Variants in TNPO2 observed in about 807,000 individuals in gnomAD.
The protein encoded by TNPO2 is transportin-2.
A neutral mutation model predicts 111.1 loss-of-function variants in TNPO2; 16 were observed. That is an observed-to-expected ratio of 0.14 (90% confidence interval 0.10 to 0.22). TNPO2 has a LOEUF of 0.22. Ranked by LOEUF, TNPO2 falls within the 10% of genes least tolerant of loss-of-function variation. The probability of loss-of-function intolerance (pLI) is 1.00; values close to 1 mark genes in which losing one functional copy is unlikely to be tolerated. For missense variants in TNPO2, 530 were observed against 1,173.7 expected (o/e 0.45, Z 8.01); for synonymous variants, 481 against 475.8 (o/e 1.01, Z -0.14).
chr19:12,719,954 C>CTTTTT lies in TNPO2; in HGVS notation c.100-623_100-619dup, dbSNP rs780055881. Among the ~76,000 whole-genome samples, 18 of 141,474 alleles carry CTTTTT rather than the reference C, an allele frequency of 1.3e-4. No individual in the cohort carries two copies. The highest frequency in any genetic ancestry group is 4.1e-4 in the African/African-American group (16 of 38,562). The allele number at this position is 141,474 out of a possible 152,430, so 92.8% of individuals were successfully genotyped here. A position where few individuals can be genotyped will look rare whatever the true frequency, so the allele number is the denominator to read the frequency against. ...GATCCCCACTAACAGGCCATGAAGA[C>CTTTTT]TTTTTTTTTTTTTTTAAAAGAGGGA... is the stretch of plus-strand genomic sequence containing the variant. On this transcript the variant is annotated intron_variant, in intron 3 of 25. Transcript: ENST00000425528. This position sits in a 1 kb window ranked among gnomAD's most constrained non-coding sequence, Gnocchi z 5.0.
intron 2 of TNPO2, among the ~76,000 whole-genome samples, chr19:12,723,009 C>A (rs938209483): frequency 6.6e-6 from 1 of 152,104 alleles, no homozygotes; most frequent in Non-Finnish European, 1.5e-5. Context: ...TGTGTGTGCG[C>A]AAGGAAAGAG....
At chr19:12,712,782 C>T (rs559559519) in intron 10 of TNPO2, among the ~76,000 whole-genome samples, 19 of 152,282 alleles carry the variant, frequency 1.2e-4, no homozygotes, top group African/African-American at 3.6e-4. Flanking sequence ...CCGGTCTCCG[C>T]GCATTGGTGG....
In TNPO2 at chr19:12,705,639, G is replaced by A; in HGVS notation, c.1756-40C>T. ...GGCAGGTGGGGAGAACTCAGGCAGG[G>A]TGGGCAGGATGGGTTTCGGGTGAGG... On this transcript the variant is annotated intron_variant, in intron 16 of 25. Coordinates refer to ENST00000425528, the MANE Select transcript of TNPO2 (RefSeq NM_001382241.1). This position sits in a 1 kb window ranked among gnomAD's most constrained non-coding sequence, Gnocchi z 7.2. The A allele has an allele frequency of 1.3e-6, 2 of 1,573,920 alleles. No individual in the cohort carries two copies. The highest frequency in any genetic ancestry group is 1.7e-6 in the Non-Finnish European group (2 of 1,158,450).
At chr19:12,704,629 A>G (rs954207913) in intron 18 of TNPO2, among the ~76,000 whole-genome samples, 4 of 152,338 alleles carry the variant, frequency 2.6e-5, no homozygotes, top group East Asian at 3.9e-4. Flanking sequence ...CCACAGATAC[A>G]GAGAGCCAAC....
chr19:12,723,141 T>G (rs1217304213), intron 2 of TNPO2, 108 bp downstream of exon 2: 3 of 152,178 alleles, frequency 2.0e-5, no homozygotes, highest in Admixed American at 6.5e-5. Flanking sequence ...CAGTACTGTT[T>G]GATAGTTTTT....
At position 12,720,876 on chromosome 19, in the gene TNPO2, T is replaced by C; in HGVS notation, c.99+3A>G. On this transcript the variant is annotated splice_donor_region_variant and intron_variant, in intron 3 of 25. Coordinates refer to ENST00000425528, the MANE Select transcript of TNPO2 (RefSeq NM_001382241.1). ...CCCCAGCCCCGGAAGGAAGGAAGGA[T>C]ACATCCTGCACGATGCGCTGAGTGG... The C allele has an allele frequency of 6.3e-7, 1 of 1,596,438 alleles. No homozygotes were observed. Among genetic ancestry groups the C allele is most frequent in the Non-Finnish European group, 8.5e-7 (1 of 1,172,324 alleles).
At chr19:12,713,482 GATAA>G (rs112781674) in intron 10 of TNPO2, among the ~76,000 whole-genome samples, 16,867 of 146,262 alleles carry the variant, frequency 0.12, 1,187 homozygotes, top group Non-Finnish European at 0.15. Flanking sequence ...TCTAATGAAT[GATAA>G]ATAAATAAAT....
chr19:12,711,264 C>T (rs1410363767), intron 12 of TNPO2, 32 bp downstream of exon 12: 1 of 1,604,072 alleles, frequency 6.2e-7, no homozygotes, highest in Non-Finnish European at 8.5e-7. Context: ...GGGCTTGCCA[C>T]CCCACCACCA....
rs561077376 is a variant in TNPO2, at chr19:12,719,824, G to A, written c.100-488C>T. On this transcript the variant is annotated intron_variant, in intron 3 of 25. Transcript: ENST00000425528. The surrounding 1 kb of genome is among the most constrained non-coding windows in gnomAD (Gnocchi z 5.0). ...GAAAAAAAAAAAAATCATACAAGGA[G>A]TTGGGTGGAAATGTCTGAGTTTCCC... Among the ~76,000 whole-genome samples, 1 of 151,618 alleles carries A rather than the reference G, an allele frequency of 6.6e-6. No individual in the cohort carries two copies. The highest frequency in any genetic ancestry group is 6.6e-5 in the Admixed American group (1 of 15,214).
At chr19:12,722,418 G>T (rs1190488377) in intron 2 of TNPO2, 1 of 150,980 alleles carries the variant, frequency 6.6e-6, no homozygotes, top group Non-Finnish European at 1.5e-5. Flanking sequence ...CTCGGTGCCC[G>T]GCGGGGGTCG....
intron 13 of TNPO2, among the ~76,000 whole-genome samples, chr19:12,709,366 A>C (rs986190871): frequency 6.6e-6 from 1 of 152,184 alleles, no homozygotes; most frequent in Non-Finnish European, 1.5e-5. Context: ...GTCTCAAATA[A>C]ATAAATAAAT....
Position 12,705,451 on chromosome 19 carries a change from G to C in TNPO2, c.1863+41C>G. 6.3e-7 allele frequency: 1 copy of C among 1,576,000 alleles called. No homozygotes were observed. Among genetic ancestry groups the C allele is most frequent in the Admixed American group, 1.9e-5 (1 of 53,936 alleles). ...GGTAAGTGGAGCAGGCCCGAGGCAG[G>C]CCAATGCAGAAGCACAGGTGACGGG... On this transcript the variant is annotated intron_variant, in intron 17 of 25. Coordinates refer to ENST00000425528, the MANE Select transcript of TNPO2 (RefSeq NM_001382241.1). This position sits in a 1 kb window ranked among gnomAD's most constrained non-coding sequence, Gnocchi z 7.2.
At position 12,710,703 on chromosome 19, in the gene TNPO2, G is replaced by T; in HGVS notation, c.1188C>A (p.Leu396=). 2 of 1,613,688 alleles carry T rather than the reference G, an allele frequency of 1.2e-6. No homozygotes were observed. The highest frequency in any genetic ancestry group is 8.5e-7 in the Non-Finnish European group (1 of 1,179,770). The part of the protein sequence containing the change: ...VFREELLPHL[L]PLLKGLLFHP... ...GGAAGAGGAGGCCTTTGAGTAGTGG[G>T]AGTAGGTGGGGCAGCAGTTCCTCCC... The change falls in exon 13 of 26, where the codon CTC becomes CTA. Residue 396 remains leucine, a synonymous_variant. Transcript: ENST00000425528.
chr19:12,711,208 ATCAGCTTCTGCC>A (rs1432457227), intron 12 of TNPO2, 76 bp downstream of exon 12: 4 of 1,532,780 alleles, frequency 2.6e-6, no homozygotes, highest in Admixed American at 1.9e-5. Flanking sequence ...TCAGCTTCTA[ATCAGCTTCTGCC>A]TCAGCTTCTA....
chr19:12,715,194 G>T lies in TNPO2; in HGVS notation c.649-25C>A. On this transcript the variant is annotated intron_variant, in intron 8 of 25. Transcript: ENST00000425528. The surrounding 1 kb of genome is among the most constrained non-coding windows in gnomAD (Gnocchi z 7.1). Reference sequence around the variant, plus strand: ...GCTGCAGGGAGGAACAGGGTCAGTTGTAGGGGCCCTCAGTCCTCGCCCTGC... The same window carrying T: ...GCTGCAGGGAGGAACAGGGTCAGTTTTAGGGGCCCTCAGTCCTCGCCCTGC... 2.5e-6 allele frequency: 4 copies of T among 1,613,750 alleles called. No individual in the cohort carries two copies. The highest frequency in any genetic ancestry group is 3.4e-6 in the Non-Finnish European group (4 of 1,179,764).
In TNPO2 at chr19:12,721,035, C is replaced by A; in HGVS notation, c.-13-45G>T. 2.0e-6 allele frequency: 3 copies of A among 1,536,616 alleles called. No individual in the cohort carries two copies. The highest frequency in any genetic ancestry group is 2.6e-6 in the Non-Finnish European group (3 of 1,146,480). ...GGTCAGCGCTGGGTCTCTGGGGCTC[C>A]GTGTGAGACCCAGGTGGAGCCCCTG... On this transcript the variant is annotated intron_variant, in intron 2 of 25. Transcript: ENST00000425528. The surrounding 1 kb of genome is among the most constrained non-coding windows in gnomAD (Gnocchi z 4.9).
At chr19:12,718,418 G>C (rs2026484634) in intron 5 of TNPO2, among the ~76,000 whole-genome samples, 1 of 152,134 alleles carries the variant, frequency 6.6e-6, no homozygotes, top group Non-Finnish European at 1.5e-5. Flanking sequence ...GCCCACCTCA[G>C]CCTCCCAAAA....
intron 19 of TNPO2, 89 bp downstream of exon 19, chr19:12,703,625 A>T (rs118055629): frequency 6.4e-7 from 1 of 1,572,604 alleles, no homozygotes; most frequent in Non-Finnish European, 8.7e-7. Context: ...AATACATCCC[A>T]ATGTGGTCAC....
In TNPO2 at chr19:12,705,679, C is replaced by T. The variant is rs367896596; in HGVS notation, c.1755+3G>A. The T allele has an allele frequency of 1.3e-6, 2 of 1,536,378 alleles. No homozygotes were observed. Among genetic ancestry groups the T allele is most frequent in the Non-Finnish European group, 1.8e-6 (2 of 1,136,192 alleles). On this transcript the variant is annotated splice_donor_region_variant and intron_variant, in intron 16 of 25. Coordinates refer to ENST00000425528, the MANE Select transcript of TNPO2 (RefSeq NM_001382241.1). The surrounding 1 kb of genome is among the most constrained non-coding windows in gnomAD (Gnocchi z 7.2). Reference sequence around the variant, plus strand: ...TTCGGGTGAGGGGCAGGAGCCCACTCACCTCCAGCAGGGGGAAGAGGTCCT... The same window carrying T: ...TTCGGGTGAGGGGCAGGAGCCCACTTACCTCCAGCAGGGGGAAGAGGTCCT...
Sources: gnomAD v4.1 joint callset for allele counts (sites outside exome capture counted in the v4.1 genomes callset) on GRCh38, gnomAD v4.1.1 for gene constraint, Gnocchi (gnomAD v3.1) non-coding constraint, MANE v1.5 for transcripts, NCBI Gene and HGNC (gene_info 2026-07-23, HGNC 2026-07-21) for gene names.